MAPK10: variants seen among roughly 807,000 people sequenced by gnomAD.
MAPK10 encodes mitogen-activated protein kinase 10.
Under a neutral mutation model 59.3 loss-of-function variants are expected in MAPK10, and 25 were observed. That is an observed-to-expected ratio of 0.42 (90% confidence interval 0.31 to 0.59). MAPK10 has a LOEUF of 0.59. MAPK10 is among the 20% of genes least tolerant of loss of function. The pLI, the probability that MAPK10 is intolerant of heterozygous loss-of-function variation, is 0.15. For missense variants in MAPK10, 351 were observed against 568.9 expected (o/e 0.62, Z 3.90); for synonymous variants, 190 against 200.5 (o/e 0.95, Z 0.44).
At chr4:86,250,463 G>A (rs542861904) in intron 2 of MAPK10, among the ~76,000 whole-genome samples, 24 of 152,022 alleles carry the variant, frequency 1.6e-4, no homozygotes, top group Non-Finnish European at 2.8e-4. Flanking sequence ...TCTTATTCCC[G>A]CTGAACTATG....
chr4:86,251,176 T>C (rs1237739208), intron 2 of MAPK10, among the ~76,000 whole-genome samples: 11 of 137,090 alleles, frequency 8.0e-5, no homozygotes. Context: ...TTTTATTTTA[T>C]TTATTTTTTT....
intron 2 of MAPK10, among the ~76,000 whole-genome samples, chr4:86,281,114 T>TATAA (rs940204022): frequency 6.6e-6 from 1 of 152,036 alleles, no homozygotes; most frequent in Non-Finnish European, 1.5e-5. Context: ...AAAGCAAAAA[T>TATAA]ATAAATAAAT....
At chr4:86,435,543 C>A (rs924000090) in intron 1 of MAPK10, among the ~76,000 whole-genome samples, 1 of 151,924 alleles carries the variant, frequency 6.6e-6, no homozygotes, top group East Asian at 1.9e-4. Flanking sequence ...TATATTTTAC[C>A]TTAATAAAAA....
intron 3 of MAPK10, chr4:86,191,786 G>A (rs944274658): frequency 2.0e-5 from 3 of 151,664 alleles, no homozygotes; most frequent in Non-Finnish European, 4.4e-5. Flanking sequence ...GGTTAATATT[G>A]TTATGTGTGA....
intron 1 of MAPK10, among the ~76,000 whole-genome samples, chr4:86,484,752 A>T (rs1436889144): frequency 6.6e-6 from 1 of 152,214 alleles, no homozygotes; most frequent in African/African-American, 2.4e-5. Context: ...ATTTAAAAAA[A>T]AACTGAAACT....
At chr4:86,201,759 C>G (rs1208576249) in intron 2 of MAPK10, among the ~76,000 whole-genome samples, 3 of 151,314 alleles carry the variant, frequency 2.0e-5, no homozygotes, top group Non-Finnish European at 4.4e-5. Context: ...GTGCCTATCC[C>G]CAGGTTCACA....
At chr4:86,469,693 G>A (rs1480649075) in intron 1 of MAPK10, among the ~76,000 whole-genome samples, 1 of 152,136 alleles carries the variant, frequency 6.6e-6, no homozygotes, top group Admixed American at 6.6e-5. Context: ...GGGGGCAAAA[G>A]CTGAAACCAT....
chr4:86,295,364 T>C (rs2095333392), intron 2 of MAPK10, among the ~76,000 whole-genome samples: 1 of 152,130 alleles, frequency 6.6e-6, no homozygotes, highest in South Asian at 2.1e-4. Context: ...TGTATTCTCC[T>C]CCCTACTCCT....
intron 2 of MAPK10, among the ~76,000 whole-genome samples, chr4:86,309,082 AAAAT>A (rs2095622300): frequency 6.6e-6 from 1 of 152,196 alleles, no homozygotes; most frequent in African/African-American, 2.4e-5. Flanking sequence ...AAAATGGAAA[AAAAT>A]AAATCATTTT....
intron 2 of MAPK10, among the ~76,000 whole-genome samples, chr4:86,330,468 C>A (rs1450696614): frequency 6.6e-6 from 1 of 152,160 alleles, no homozygotes; most frequent in Non-Finnish European, 1.5e-5. Flanking sequence ...TTCCCATAAT[C>A]CCCACACGTC....
At chr4:86,566,063 C>A (rs1381134040) in intron 1 of MAPK10, among the ~76,000 whole-genome samples, 1 of 152,116 alleles carries the variant, frequency 6.6e-6, no homozygotes, top group Non-Finnish European at 1.5e-5. Flanking sequence ...ATCTCCCTAC[C>A]AAAAGATTTG....
intron 11 of MAPK10, among the ~76,000 whole-genome samples, chr4:86,037,972 C>T (rs1292590558): frequency 6.6e-6 from 1 of 152,246 alleles, no homozygotes; most frequent in Non-Finnish European, 1.5e-5. Context: ...TCTACACTTA[C>T]AGCTAGAGCT....
At position 86,245,158 on chromosome 4, in the gene MAPK10, G is replaced by C. The variant is rs999187885; in HGVS notation, c.-6-50751C>G. On this transcript the variant is annotated intron_variant, in intron 2 of 13. Transcript: ENST00000641462. The stretch of plus-strand genomic sequence containing the variant: ...GTCATATTCAGTACCTGGGTAGCCT[G>C]TCTCTTTTAGTCCTGTACATGTCAT... Among the ~76,000 whole-genome samples the C allele has an allele frequency of 2.6e-5, 4 of 152,106 alleles. No homozygotes were observed. The East Asian group carries it at 7.7e-4, about 29-fold the overall frequency.
chr4:86,570,253 G>GT (rs1761356291), intron 1 of MAPK10, among the ~76,000 whole-genome samples: 2 of 152,248 alleles, frequency 1.3e-5, no homozygotes, highest in South Asian at 2.1e-4. Flanking sequence ...GCATGTTTTT[G>GT]TAAGACTTGT....
At chr4:86,353,867 G>A (rs562559762) in intron 2 of MAPK10, among the ~76,000 whole-genome samples, 94 of 152,208 alleles carry the variant, frequency 6.2e-4, no homozygotes, top group Non-Finnish European at 1.0e-3. Flanking sequence ...GGAATCTATT[G>A]ATTATTGACT....
intron 1 of MAPK10, among the ~76,000 whole-genome samples, chr4:86,546,329 C>T (rs561826121): frequency 1.3e-5 from 2 of 152,136 alleles, no homozygotes; most frequent in East Asian, 3.9e-4. Context: ...GGGCAGATCA[C>T]CTGAGGTTAG....
At chr4:86,502,249 A>C (rs1355550752) in intron 1 of MAPK10, among the ~76,000 whole-genome samples, 1 of 151,976 alleles carries the variant, frequency 6.6e-6, no homozygotes, top group African/African-American at 2.4e-5. Context: ...CTATTGCCAT[A>C]TATTTTTGTG....
At chr4:86,510,890 G>A (rs1324223169) in intron 1 of MAPK10, among the ~76,000 whole-genome samples, 1 of 152,138 alleles carries the variant, frequency 6.6e-6, no homozygotes, top group African/African-American at 2.4e-5. Context: ...AAGAAAAGTG[G>A]GGAGGGAGGC....
intron 11 of MAPK10, among the ~76,000 whole-genome samples, chr4:86,060,697 A>G (rs1307414478): frequency 2.6e-5 from 4 of 152,144 alleles, no homozygotes; most frequent in African/African-American, 7.2e-5. Flanking sequence ...CTGATAATCA[A>G]GATTTGTGGA....
Sources: allele counts gnomAD v4.1 joint callset (sites outside exome capture counted in the v4.1 genomes callset), GRCh38; gene constraint gnomAD v4.1.1; transcripts MANE v1.5; gene names NCBI Gene and HGNC (gene_info 2026-07-23, HGNC 2026-07-21).